Variants in ANO2 observed in about 807,000 individuals in gnomAD.
ANO2 encodes the protein anoctamin-2.
Under a neutral mutation model 124.2 loss-of-function variants are expected in ANO2, and 101 were observed. The observed-to-expected ratio is 0.81, with a 90% CI of 0.69 to 0.96. The LOEUF (loss-of-function observed/expected upper bound fraction) is 0.96, where lower values mean the gene tolerates loss of function less well. Ranked by LOEUF, ANO2 falls within the 40% of genes least tolerant of loss-of-function variation. The pLI is 0.00. For synonymous variants in ANO2, 486 were observed against 482.5 expected (o/e 1.01, Z -0.09); for missense variants, 1,293 against 1,274.5 (o/e 1.01, Z -0.22).
At chr12:5,841,978 T>C (rs898392380) in intron 4 of ANO2, among the ~76,000 whole-genome samples, 1 of 152,236 alleles carries the variant, frequency 6.6e-6, no homozygotes. Flanking sequence ...CAAGTGATTT[T>C]CCCACCTCGG....
At chr12:5,585,608 G>A (rs767627232) in intron 20 of ANO2, among the ~76,000 whole-genome samples, 1 of 152,302 alleles carries the variant, frequency 6.6e-6, no homozygotes, top group East Asian at 1.9e-4. Context: ...AATATTTACT[G>A]AAATAACAAA....
chr12:5,859,400 T>G (rs1955199863), intron 3 of ANO2, among the ~76,000 whole-genome samples: 1 of 152,222 alleles, frequency 6.6e-6, no homozygotes, highest in Non-Finnish European at 1.5e-5. Flanking sequence ...GACTCCATTT[T>G]CATAAAGCCC....
At chr12:5,930,388 G>T (rs1051542624) in intron 1 of ANO2, among the ~76,000 whole-genome samples, 1 of 152,116 alleles carries the variant, frequency 6.6e-6, no homozygotes. Flanking sequence ...GATGGTGTGG[G>T]TAATGGGGGT....
intron 4 of ANO2, chr12:5,839,643 A>G (rs1237587681): frequency 2.2e-6 from 1 of 455,942 alleles, no homozygotes; most frequent in Admixed American, 2.3e-5. Context: ...GATTGTGGTA[A>G]GCCCTGGAGA....
intron 3 of ANO2, among the ~76,000 whole-genome samples, chr12:5,855,914 C>A (rs540583914): frequency 6.6e-6 from 1 of 152,280 alleles, no homozygotes; most frequent in African/African-American, 2.4e-5. Context: ...GATAAGGAAC[C>A]TATGTGGCAG....
chr12:5,589,529 A>T (rs1466951567), intron 20 of ANO2, among the ~76,000 whole-genome samples: 2 of 152,218 alleles, frequency 1.3e-5, no homozygotes, highest in Non-Finnish European at 2.9e-5. Context: ...ACACTCATTT[A>T]TTCAGTTACC....
intron 10 of ANO2, among the ~76,000 whole-genome samples, chr12:5,759,449 C>T (rs1951676583): frequency 6.6e-6 from 1 of 151,988 alleles, no homozygotes; most frequent in Non-Finnish European, 1.5e-5. Context: ...AGACCACAGA[C>T]TGGTACCTGT....
chr12:5,677,112 C>T (rs186469259), intron 14 of ANO2, among the ~76,000 whole-genome samples: 40 of 149,446 alleles, frequency 2.7e-4, no homozygotes, highest in South Asian at 1.5e-3. Context: ...AGAGAAGAGA[C>T]GGGGGTCTCA....
intron 4 of ANO2, among the ~76,000 whole-genome samples, chr12:5,848,949 C>T (rs1954777222): frequency 6.6e-6 from 1 of 152,172 alleles, no homozygotes; most frequent in Non-Finnish European, 1.5e-5. Flanking sequence ...GCCTCTCTGC[C>T]AGGCATTCAG....
intron 1 of ANO2, among the ~76,000 whole-genome samples, chr12:5,939,926 G>A (rs1182446592): frequency 1.3e-5 from 2 of 152,354 alleles, no homozygotes; most frequent in Non-Finnish European, 1.5e-5. Flanking sequence ...AAAGCTTGGT[G>A]TAGCATGTTC....
At chr12:5,844,627 G>A (rs1417408659) in intron 4 of ANO2, among the ~76,000 whole-genome samples, 2 of 152,172 alleles carry the variant, frequency 1.3e-5, no homozygotes, top group African/African-American at 4.8e-5. Context: ...TGAGAAAGCT[G>A]TCATCCAGGA....
chr12:5,640,310 C>CT (rs1010827658), intron 15 of ANO2, among the ~76,000 whole-genome samples: 13 of 152,292 alleles, frequency 8.5e-5, no homozygotes, highest in Non-Finnish European at 1.6e-4. Flanking sequence ...GTGTCTTTGG[C>CT]TTACCCGAAC....
In ANO2 at chr12:5,883,418, CT is replaced by C. The variant is rs1292616717; in HGVS notation, c.535-29278del. Among the ~76,000 whole-genome samples the C allele has an allele frequency of 2.0e-5, 3 of 152,120 alleles. No individual in the cohort carries two copies. The East Asian group carries it at 5.8e-4, about 29-fold the overall frequency. Reference sequence around the variant, plus strand: ...TAATATGCATCCTGAGTAAACTTCTCTTGCTCAGTCATTTATGCCACTGATT... The same window carrying C: ...TAATATGCATCCTGAGTAAACTTCTCTGCTCAGTCATTTATGCCACTGATT... On this transcript the variant is annotated intron_variant, in intron 3 of 24. Coordinates refer to ENST00000682330, the MANE Select transcript of ANO2 (RefSeq NM_001364791.2).
chr12:5,721,113 G>T (rs954992082), intron 14 of ANO2, among the ~76,000 whole-genome samples: 4 of 152,176 alleles, frequency 2.6e-5, no homozygotes, highest in Admixed American at 6.5e-5. Context: ...ATTAGAAGTT[G>T]TAGGGTTTAT....
chr12:5,836,969 T>G (rs567117023), intron 4 of ANO2, among the ~76,000 whole-genome samples: 28 of 152,336 alleles, frequency 1.8e-4, no homozygotes, highest in African/African-American at 6.5e-4. Context: ...GTCCAAAATG[T>G]TCCCTATTGT....
intron 8 of ANO2, among the ~76,000 whole-genome samples, chr12:5,806,831 A>ACC (rs1162501908): frequency 6.6e-6 from 1 of 152,210 alleles, no homozygotes; most frequent in Non-Finnish European, 1.5e-5. Context: ...GTTAATATGT[A>ACC]CCTGCATGTT....
rs1256237452 is a variant in ANO2 at position 5,635,086 on chromosome 12, CA to C, written c.1816+65del. ...TGTCCCATTTTTTTTATTTTATCACCAAAAGCCTTGCACGCATTGACTTAAA... is the reference window on the plus strand; with the variant it reads ...TGTCCCATTTTTTTTATTTTATCACCAAAGCCTTGCACGCATTGACTTAAA... On this transcript the variant is annotated intron_variant, in intron 16 of 24. Coordinates refer to ENST00000682330, the MANE Select transcript of ANO2 (RefSeq NM_001364791.2). This position sits in a 1 kb window ranked among gnomAD's most constrained non-coding sequence, Gnocchi z 5.2. 8 of 1,369,824 alleles carry C rather than the reference CA, an allele frequency of 5.8e-6. No homozygotes were observed. Among genetic ancestry groups the C allele is most frequent in the Non-Finnish European group, 4.8e-6 (5 of 1,033,970 alleles). The allele number at this position is 1,369,824 out of a possible 1,614,324, so 84.9% of individuals were successfully genotyped here.
intron 20 of ANO2, among the ~76,000 whole-genome samples, chr12:5,586,829 G>A (rs1013089837): frequency 6.6e-6 from 1 of 152,294 alleles, no homozygotes; most frequent in Non-Finnish European, 1.5e-5. Context: ...TATCATAGCA[G>A]TAGTTGTCTA....
At position 5,567,488 on chromosome 12, in the gene ANO2, C is replaced by G. The variant is rs1591636172; in HGVS notation, c.2622-1825G>C. On this transcript the variant is annotated intron_variant, in intron 23 of 24. Transcript: ENST00000682330. Reference sequence around the variant, plus strand: ...GAAGGGTGCCACACACACATACACACACTCACATGTGTGCACACACGCACA... The same window carrying G: ...GAAGGGTGCCACACACACATACACAGACTCACATGTGTGCACACACGCACA... 3.9e-5 allele frequency among the ~76,000 whole-genome samples: 6 copies of G among 152,342 alleles called. 1 individual carries two copies. Among genetic ancestry groups the G allele is most frequent in the Admixed American group, 3.9e-4 (6 of 15,306 alleles).
Sources: allele counts gnomAD v4.1 joint callset (sites outside exome capture counted in the v4.1 genomes callset), GRCh38; gene constraint gnomAD v4.1.1; non-coding constraint Gnocchi (gnomAD v3.1); transcripts MANE v1.5; gene names NCBI Gene and HGNC (gene_info 2026-07-23, HGNC 2026-07-21).